TGFA: variants seen among roughly 807,000 people sequenced by gnomAD.
The protein encoded by TGFA is transforming growth factor alpha.
Under a neutral mutation model 21.7 loss-of-function variants are expected in TGFA, and 12 were observed. The observed-to-expected ratio is 0.55, with a 90% CI of 0.35 to 0.90. The LOEUF (loss-of-function observed/expected upper bound fraction) is 0.90. Ranked by LOEUF, TGFA falls within the 40% of genes least tolerant of loss-of-function variation. The probability of loss-of-function intolerance (pLI) is 0.01; values close to 1 mark genes in which losing one functional copy is unlikely to be tolerated. For synonymous variants in TGFA, 79 were observed against 88.1 expected, an observed-to-expected ratio of 0.90 and a Z score of 0.58; for missense variants, 178 against 210.8, an observed-to-expected ratio of 0.84 and a Z score of 0.96.
intron 1 of TGFA, among the ~76,000 whole-genome samples, chr2:70,542,485 A>G (rs1317315319): frequency 6.6e-6 from 1 of 152,208 alleles, no homozygotes; most frequent in Middle Eastern, 3.2e-3. Flanking sequence ...GTAAGAATCT[A>G]ATATTTTAAC....
chr2:70,485,078 C>T (rs1226394644), intron 2 of TGFA, among the ~76,000 whole-genome samples: 3 of 152,174 alleles, frequency 2.0e-5, no homozygotes, highest in African/African-American at 7.2e-5. Context: ...ATTAAAATGC[C>T]AAGTTTCATC....
intron 2 of TGFA, among the ~76,000 whole-genome samples, chr2:70,497,460 T>C (rs1553498511): frequency 6.6e-6 from 1 of 152,210 alleles, no homozygotes; most frequent in East Asian, 1.9e-4. Context: ...CCTAACCCCA[T>C]GCACAAAATA....
At chr2:70,469,654 A>G (rs1553492894) in intron 2 of TGFA, among the ~76,000 whole-genome samples, 1 of 152,182 alleles carries the variant, frequency 6.6e-6, no homozygotes, top group African/African-American at 2.4e-5. Flanking sequence ...GGTGATCCTG[A>G]TGCACACTAA....
chr2:70,550,278 AT>A (rs577781426), intron 1 of TGFA, among the ~76,000 whole-genome samples: 3 of 151,088 alleles, frequency 2.0e-5, no homozygotes, highest in Admixed American at 6.6e-5. Flanking sequence ...TGCAGTCCTT[AT>A]TTTTTTTTAT....
At chr2:70,498,824 C>T (rs1318367273) in intron 2 of TGFA, among the ~76,000 whole-genome samples, 1 of 152,158 alleles carries the variant, frequency 6.6e-6, no homozygotes, top group African/African-American at 2.4e-5. Context: ...AACAGACATG[C>T]AAAACCAGAT....
Position 70,453,204 on chromosome 2 carries a change from A to G in TGFA, c.475+14T>C. On this transcript the variant is annotated intron_variant, in intron 5 of 5. Coordinates refer to ENST00000295400, the MANE Select transcript of TGFA (RefSeq NM_003236.4). Reference sequence around the variant, plus strand: ...CACCCAATAGTGTCTCCCACCAGAGAAGAGTCTCCTTACCTGTTTCTGAGT... The same window carrying G: ...CACCCAATAGTGTCTCCCACCAGAGGAGAGTCTCCTTACCTGTTTCTGAGT... 2 of 1,609,368 alleles carry G rather than the reference A, an allele frequency of 1.2e-6. No homozygotes were observed. The highest frequency in any genetic ancestry group is 4.5e-5 in the East Asian group (2 of 44,748).
At position 70,464,790 on chromosome 2, in the gene TGFA, G is replaced by C. The variant is rs11466256; in HGVS notation, c.215+826C>G. On this transcript the variant is annotated intron_variant, in intron 3 of 5. Transcript: ENST00000295400. ...CTGGCCTCCACTTTGTCTCTAAGCT[G>C]GTCTCCTCTCTGTCTCCCTGGTGTA... is the stretch of plus-strand genomic sequence containing the variant. 5.3e-3 allele frequency among the ~76,000 whole-genome samples: 811 copies of C among 152,274 alleles called. 3 individuals are homozygous for C. Among genetic ancestry groups the C allele is most frequent in the African/African-American group, 0.019 (770 of 41,542 alleles).
At chr2:70,543,034 T>C (rs982505521) in intron 1 of TGFA, among the ~76,000 whole-genome samples, 5 of 150,366 alleles carry the variant, frequency 3.3e-5, no homozygotes, top group South Asian at 2.1e-4. Flanking sequence ...ACCCGGGAGG[T>C]GGAGGTTGCA....
chr2:70,547,083 G>GT (rs1319459940), intron 1 of TGFA, among the ~76,000 whole-genome samples: 2 of 152,118 alleles, frequency 1.3e-5, no homozygotes, highest in African/African-American at 2.4e-5. Context: ...TGACTCAGAA[G>GT]TTATGCCCAC....
At chr2:70,553,256 G>A in intron 1 of TGFA, 7 of 1,536,094 alleles carry the variant, frequency 4.6e-6, no homozygotes, top group Non-Finnish European at 6.1e-6. Context: ...GCTCGTCGCT[G>A]GGGCTTAGAG....
At chr2:70,476,459 T>A (rs1670938025) in intron 2 of TGFA, among the ~76,000 whole-genome samples, 1 of 152,242 alleles carries the variant, frequency 6.6e-6, no homozygotes, top group African/African-American at 2.4e-5. Flanking sequence ...AGCCCAGGGC[T>A]ACCTGCCTTT....
chr2:70,548,863 A>C (rs1553506388), intron 1 of TGFA, among the ~76,000 whole-genome samples: 1 of 149,848 alleles, frequency 6.7e-6, no homozygotes, highest in Non-Finnish European at 1.5e-5. Flanking sequence ...AGAGCTCCTA[A>C]GAGATGGTTT....
intron 2 of TGFA, among the ~76,000 whole-genome samples, chr2:70,494,994 A>G (rs1671538501): frequency 1.3e-5 from 2 of 152,214 alleles, no homozygotes; most frequent in Non-Finnish European, 1.5e-5. Context: ...TCTGTTTTCA[A>G]TGCTCTGATT....
chr2:70,514,359 C>T (rs1371432135), intron 2 of TGFA, among the ~76,000 whole-genome samples: 3 of 151,668 alleles, frequency 2.0e-5, no homozygotes, highest in African/African-American at 7.3e-5. Context: ...TTGCCTCCTA[C>T]ATGTCCCAAG....
chr2:70,536,563 C>T (rs996354687), intron 1 of TGFA, among the ~76,000 whole-genome samples: 2 of 152,152 alleles, frequency 1.3e-5, no homozygotes, highest in Non-Finnish European at 2.9e-5. Context: ...AAAAATCCCC[C>T]AGTACTGGAG....
At chr2:70,479,198 T>C (rs781842926) in intron 2 of TGFA, among the ~76,000 whole-genome samples, 1 of 152,240 alleles carries the variant, frequency 6.6e-6, no homozygotes, top group Non-Finnish European at 1.5e-5. Context: ...AGCTGTTATC[T>C]AGTTGAAGAG....
In TGFA at chr2:70,538,230, G is replaced by A. The variant is rs138851739; in HGVS notation, c.40+15498C>T. 3.4e-3 allele frequency among the ~76,000 whole-genome samples: 520 copies of A among 152,252 alleles called. 5 individuals are homozygous for A. Among genetic ancestry groups the A allele is most frequent in the African/African-American group, 0.012 (490 of 41,550 alleles). ...TATTCATTGACAATGCACCTGGGTC[G>A]CCCAAGAGCTCTGATGGAGCTGTGT... On this transcript the variant is annotated intron_variant, in intron 1 of 5. Coordinates refer to ENST00000295400, the MANE Select transcript of TGFA (RefSeq NM_003236.4).
intron 1 of TGFA, among the ~76,000 whole-genome samples, chr2:70,538,745 G>A (rs187439058): frequency 1.5e-4 from 23 of 152,306 alleles, no homozygotes; most frequent in Admixed American, 1.5e-3. Flanking sequence ...TGGTGAAGAT[G>A]CTGTGAACAT....
At position 70,450,627 on chromosome 2, in the gene TGFA, C is replaced by A; in HGVS notation, c.*232G>T. ...CCGTCTCTTTGCAGTTCTTTTTTAACAAGTCTTGAAATCGTGGTCCGCTGA... is the reference window on the plus strand; with the variant it reads ...CCGTCTCTTTGCAGTTCTTTTTTAAAAAGTCTTGAAATCGTGGTCCGCTGA... On this transcript the variant is annotated 3_prime_UTR_variant, in exon 6 of 6. Coordinates refer to ENST00000295400, the MANE Select transcript of TGFA (RefSeq NM_003236.4). The A allele has an allele frequency of 1.8e-6, 1 of 542,164 alleles. No individual in the cohort carries two copies. Among genetic ancestry groups the A allele is most frequent in the East Asian group, 2.9e-5 (1 of 34,350 alleles). The allele number at this position is 542,164 out of a possible 1,614,324, so 33.6% of individuals were successfully genotyped here.
Sources: allele counts gnomAD v4.1 joint callset (sites outside exome capture counted in the v4.1 genomes callset), GRCh38; gene constraint gnomAD v4.1.1; transcripts MANE v1.5; gene names NCBI Gene and HGNC (gene_info 2026-07-23, HGNC 2026-07-21).